Variants in CNTN2 observed in about 807,000 individuals in gnomAD.
The protein encoded by CNTN2 is contactin-2.
A neutral mutation model predicts 117.5 loss-of-function variants in CNTN2; 53 were observed. The observed-to-expected ratio is 0.45, with a 90% CI of 0.36 to 0.57. The LOEUF is 0.57. Among genes scored for constraint, CNTN2 ranks in the 20% least tolerant of loss-of-function variants. The pLI is 0.00. For missense variants in CNTN2, 1,106 were observed against 1,404.3 expected (o/e 0.79, Z 3.39); for synonymous variants, 530 against 561.7 (o/e 0.94, Z 0.80).
chr1:205,062,267 T>TG (rs942161255), intron 9 of CNTN2, 173 bp from the exon 10 acceptor site: 2 of 969,974 alleles, frequency 2.1e-6, no homozygotes, highest in African/African-American at 3.3e-5. Context: ...TGGGGAGGCC[T>TG]GGGTAATCTG....
Position 205,072,854 on chromosome 1 carries a change from G to T in CNTN2, c.2845-214G>T, listed in dbSNP as rs1421646084. ...ATGGACTATGGGGATGGAGTATGGG[G>T]GTTCTTCTAGCTTAAGGAGTCTACG... On this transcript the variant is annotated intron_variant, in intron 21 of 22. Coordinates refer to ENST00000331830, the MANE Select transcript of CNTN2 (RefSeq NM_005076.5). The T allele has an allele frequency of 1.1e-5, 7 of 634,992 alleles. No individual in the cohort carries two copies. In the East Asian group the frequency reaches 1.4e-4, roughly 12 times the overall value. 39.3% of individuals were successfully genotyped at this position (634,992 alleles called of 1,614,324 possible).
chr1:205,051,133 A>G (rs1300628268), intron 1 of CNTN2, among the ~76,000 whole-genome samples: 1 of 152,202 alleles, frequency 6.6e-6, no homozygotes, highest in East Asian at 1.9e-4. Context: ...GTTGTTCTTG[A>G]CCAGTTAAAT....
Position 205,043,230 on chromosome 1 carries a change from C to A in CNTN2, c.-251C>A. 1 of 153,084 alleles carries A rather than the reference C, an allele frequency of 6.5e-6. No individual in the cohort carries two copies. The highest frequency in any genetic ancestry group is 1.9e-4 in the South Asian group (1 of 5,256). The allele number at this position is 153,084 out of a possible 1,614,324, so 9.5% of individuals were successfully genotyped here. A position where few individuals can be genotyped will look rare whatever the true frequency, so the allele number is the denominator to read the frequency against. On this transcript the variant is annotated 5_prime_UTR_variant, in exon 1 of 23. Transcript: ENST00000331830. ...CGCGCTCACACACACGCGCCCTCACCCGCCACCGCCGCCGCGGCCGCCGCC... is the reference window on the plus strand; with the variant it reads ...CGCGCTCACACACACGCGCCCTCACACGCCACCGCCGCCGCGGCCGCCGCC...
At chr1:205,072,847 G>A (rs1654662854) in intron 21 of CNTN2, 2 of 633,660 alleles carry the variant, frequency 3.2e-6, no homozygotes, top group Non-Finnish European at 5.5e-6. Flanking sequence ...TGGGGATGGA[G>A]TATGGGGGTT....
At chr1:205,066,369 G>C in intron 14 of CNTN2, 72 bp from the exon 15 acceptor site, 1 of 1,556,198 alleles carries the variant, frequency 6.4e-7, no homozygotes, top group African/African-American at 1.3e-5. Context: ...GCTCAAGCCT[G>C]GCTGGGAGGA....
At position 205,073,082 on chromosome 1, in the gene CNTN2, T is replaced by C. The variant is rs1654676079; in HGVS notation, c.2859T>C (p.Asn953=). 2 of 1,614,004 alleles carry C rather than the reference T, an allele frequency of 1.2e-6. No individual in the cohort carries two copies. The highest frequency in any genetic ancestry group is 1.7e-6 in the Non-Finnish European group (2 of 1,180,006). ...CCTTCCCACAGATGCTGTACCAGAA[T>C]GACTTACACCTGACTCCCACGCTCC... ...AVTGYKMLYQ[N]DLHLTPTLHL... is the part of the protein sequence containing the mutation. The change falls in exon 22 of 23, where the codon AAT becomes AAC. Residue 953 remains asparagine (N), a synonymous_variant. Coordinates refer to ENST00000331830, the MANE Select transcript of CNTN2 (RefSeq NM_005076.5). This position sits in a 1 kb window ranked among gnomAD's most constrained non-coding sequence, Gnocchi z 6.3.
In CNTN2 at chr1:205,044,618, C is replaced by T. The variant is rs142568243; in HGVS notation, c.-87+1224C>T. ...CAGTGCACAGGTGATGTTCTGGTCT[C>T]GTCTGGGCAACAGTTTCGGCCTCCT... is the stretch of plus-strand genomic sequence containing the variant. On this transcript the variant is annotated intron_variant, in intron 1 of 22. Coordinates refer to ENST00000331830, the MANE Select transcript of CNTN2 (RefSeq NM_005076.5). Among the ~76,000 whole-genome samples, 13 of 152,274 alleles carry T rather than the reference C, an allele frequency of 8.5e-5. No individual in the cohort carries two copies. In the East Asian group the frequency reaches 1.9e-3, roughly 23 times the overall value.
Position 205,075,262 on chromosome 1 carries a change from C to G in CNTN2, c.*1497C>G, listed in dbSNP as rs189430085. 1 of 176,770 alleles carries G rather than the reference C, an allele frequency of 5.7e-6. No individual in the cohort carries two copies. The highest frequency in any genetic ancestry group is 2.0e-4 in the South Asian group (1 of 5,064). 11.0% of individuals were successfully genotyped at this position (176,770 alleles called of 1,614,324 possible). A position where few individuals can be genotyped will look rare whatever the true frequency, so the allele number is the denominator to read the frequency against. On this transcript the variant is annotated 3_prime_UTR_variant, in exon 23 of 23. Coordinates refer to ENST00000331830, the MANE Select transcript of CNTN2 (RefSeq NM_005076.5). ...ACTTCAAGGGGTTCGGATTGGTGAT[C>G]ATGGGGATTGGCATGGCTGGGTTCC...
intron 7 of CNTN2, chr1:205,060,028 C>A: frequency 3.5e-6 from 1 of 283,220 alleles, no homozygotes; most frequent in Non-Finnish European, 6.7e-6. Flanking sequence ...ACCCGCAGAC[C>A]TTGGGTAAAC....
At chr1:205,071,426 G>A (rs1654588700) in intron 19 of CNTN2, among the ~76,000 whole-genome samples, 1 of 152,236 alleles carries the variant, frequency 6.6e-6, no homozygotes, top group African/African-American at 2.4e-5. Flanking sequence ...CTCTAGATTT[G>A]AGTACAATAG....
chr1:205,066,291 C>G, intron 14 of CNTN2, 150 bp from the exon 15 acceptor site: 1 of 917,446 alleles, frequency 1.1e-6, no homozygotes, highest in Admixed American at 2.7e-5. Flanking sequence ...GCCCACACCC[C>G]TTGCCCGCCC....
intron 2 of CNTN2, among the ~76,000 whole-genome samples, chr1:205,053,607 C>T (rs999436826): frequency 1.3e-5 from 2 of 152,198 alleles, no homozygotes; most frequent in African/African-American, 4.8e-5. Context: ...AGGTAATAGC[C>T]ACATGGGACT....
At position 205,073,894 on chromosome 1, in the gene CNTN2, A is replaced by G. The variant is rs192081835; in HGVS notation, c.*129A>G. The G allele has an allele frequency of 5.8e-6, 4 of 689,062 alleles. No homozygotes were observed. Among genetic ancestry groups the G allele is most frequent in the Admixed American group, 2.4e-5 (1 of 42,338 alleles). 42.7% of individuals were successfully genotyped at this position (689,062 alleles called of 1,614,324 possible). ...CTGGTTTTAAATACCTACTTTAAAC[A>G]GTGCCCTTTTTGTAGGAGGTAGGAT... On this transcript the variant is annotated 3_prime_UTR_variant, in exon 23 of 23. Coordinates refer to ENST00000331830, the MANE Select transcript of CNTN2 (RefSeq NM_005076.5). The surrounding 1 kb of genome is among the most constrained non-coding windows in gnomAD (Gnocchi z 6.3).
At chr1:205,043,000 C>G (rs1309166540), upstream of CNTN2, 1 of 146,414 alleles carries the variant, frequency 6.8e-6, no homozygotes, top group Non-Finnish European at 1.5e-5. Flanking sequence ...ATGGAAGACG[C>G]GCGCTGGGCT....
chr1:205,067,892 C>T (rs1654379919), intron 16 of CNTN2: 1 of 125,058 alleles, frequency 8.0e-6, no homozygotes, highest in Non-Finnish European at 1.6e-5. Context: ...TGTACCACTG[C>T]ACTCCATCCT....
Position 205,064,694 on chromosome 1 carries a change from G to A in CNTN2, c.1463G>A (p.Cys488Tyr). 6.2e-7 allele frequency: 1 copy of A among 1,614,164 alleles called. No homozygotes were observed. The highest frequency in any genetic ancestry group is 8.5e-7 in the Non-Finnish European group (1 of 1,180,028). ...ISRSDEGKYT[C>Y]FAENFMGKAN... ...CGGTCAGATGAAGGCAAATACACCT[G>A]CTTTGCTGAGAACTTCATGGGCAAA... The change falls in exon 12 of 23, where the codon TGC becomes TAC. Residue 488 changes from cysteine to tyrosine, a missense_variant. By Grantham distance (194) the Cys-to-Tyr change is radical (BLOSUM62 -2). Transcript: ENST00000331830.
In CNTN2 at chr1:205,074,460, G is replaced by A. The variant is rs532475411; in HGVS notation, c.*695G>A. 22 of 398,608 alleles carry A rather than the reference G, an allele frequency of 5.5e-5. No individual in the cohort carries two copies. In the South Asian group the frequency reaches 5.6e-4, roughly 10 times the overall value. The allele number at this position is 398,608 out of a possible 1,614,324, so 24.7% of individuals were successfully genotyped here. A position where few individuals can be genotyped will look rare whatever the true frequency, so the allele number is the denominator to read the frequency against. ...GAGTTGAGAGGCCAGGGCCCTTGGTGGAAAGGGGCACCAGCCTTGGTCTGA... is the reference window on the plus strand; with the variant it reads ...GAGTTGAGAGGCCAGGGCCCTTGGTAGAAAGGGGCACCAGCCTTGGTCTGA... On this transcript the variant is annotated 3_prime_UTR_variant, in exon 23 of 23. Coordinates refer to ENST00000331830, the MANE Select transcript of CNTN2 (RefSeq NM_005076.5).
At chr1:205,062,067 G>T in intron 9 of CNTN2, 66 bp downstream of exon 9, 1 of 1,554,276 alleles carries the variant, frequency 6.4e-7, no homozygotes, top group African/African-American at 1.4e-5. Context: ...TCCCTCCCCC[G>T]CCCAGAACTT....
intron 9 of CNTN2, 26 bp downstream of exon 9, chr1:205,062,027 C>T: frequency 1.2e-6 from 2 of 1,609,688 alleles, no homozygotes; most frequent in Non-Finnish European, 1.7e-6. Flanking sequence ...CTTCCCCCGA[C>T]ACATCACAAC....
Sources: gnomAD v4.1 joint callset for allele counts (sites outside exome capture counted in the v4.1 genomes callset) on GRCh38, gnomAD v4.1.1 for gene constraint, Gnocchi (gnomAD v3.1) non-coding constraint, MANE v1.5 for transcripts, NCBI Gene and HGNC (gene_info 2026-07-23, HGNC 2026-07-21) for gene names.